The following PAK3 variants were observed in gnomAD, a reference collection of about 807,000 sequenced individuals.
PAK3 encodes serine/threonine-protein kinase PAK 3.
Under a neutral mutation model 41.0 loss-of-function variants are expected in PAK3, and 4 were observed. That is an observed-to-expected ratio of 0.10 (90% CI 0.05 to 0.22). PAK3 has a LOEUF of 0.22. PAK3 is among the 10% of genes least tolerant of loss of function. The probability of loss-of-function intolerance (pLI) is 1.00; values close to 1 mark genes in which losing one functional copy is unlikely to be tolerated. For synonymous variants in PAK3, 146 were observed against 139.6 expected, an observed-to-expected ratio of 1.05 and a Z score of -0.32; for missense variants, 205 against 409.9, an observed-to-expected ratio of 0.50 and a Z score of 4.32.
At chrX:111,133,974 A>C (rs1216476892) in intron 5 of PAK3, among the ~76,000 whole-genome samples, 1 of 111,970 alleles carries the variant, frequency 8.9e-6, no homozygotes, top group Non-Finnish European at 1.9e-5. Context: ...AGCTAGAAAG[A>C]GTTCTAAAAA....
chrX:110,951,514 T>C (rs1451899372), intron 1 of PAK3, among the ~76,000 whole-genome samples: 1 of 112,107 alleles, frequency 8.9e-6, no homozygotes, highest in Non-Finnish European at 1.9e-5. Flanking sequence ...TCTAGCAAGT[T>C]ACACTCCAAC....
At chrX:110,961,643 C>T (rs1382573517) in intron 1 of PAK3, among the ~76,000 whole-genome samples, 1 of 111,704 alleles carries the variant, frequency 9.0e-6, no homozygotes, top group African/African-American at 3.3e-5. Flanking sequence ...TTCTCTTCAC[C>T]TCTAGATTCT....
intron 4 of PAK3, among the ~76,000 whole-genome samples, chrX:111,116,728 A>G (rs781719739): frequency 2.7e-5 from 3 of 112,227 alleles, no homozygotes; most frequent in East Asian, 5.6e-4. Flanking sequence ...CAACAATACT[A>G]CAGCAGAACT....
At chrX:111,143,266 G>A (rs907122441) in intron 6 of PAK3, among the ~76,000 whole-genome samples, 7 of 110,656 alleles carry the variant, frequency 6.3e-5, no homozygotes, top group Non-Finnish European at 1.1e-4. Flanking sequence ...ATGATTAAGC[G>A]GAAAAAAAGA....
At chrX:111,078,648 C>T (rs771069037) in intron 1 of PAK3, among the ~76,000 whole-genome samples, 3 of 110,553 alleles carry the variant, frequency 2.7e-5, no homozygotes, top group Non-Finnish European at 3.8e-5. Context: ...AACCCCAAAA[C>T]AGTCTCTAAG....
intron 6 of PAK3, among the ~76,000 whole-genome samples, chrX:111,143,344 C>T (rs139732152): frequency 0.019 from 2,160 of 111,180 alleles, 46 homozygotes; most frequent in African/African-American, 0.062. Flanking sequence ...TATCTTATTT[C>T]TTCAATTCTG....
intron 1 of PAK3, among the ~76,000 whole-genome samples, chrX:110,978,450 T>C (rs185369819): frequency 1.4e-4 from 16 of 111,390 alleles, no homozygotes; most frequent in African/African-American, 5.2e-4. Flanking sequence ...GATTATATTA[T>C]TTTTCTTATT....
intron 5 of PAK3, among the ~76,000 whole-genome samples, chrX:111,123,567 T>C (rs761360685): frequency 5.1e-4 from 58 of 112,760 alleles, no homozygotes; most frequent in African/African-American, 1.8e-3. Context: ...CAACAGTGAC[T>C]TTCTTTCTGA....
At chrX:110,974,968 A>G (rs978495036) in intron 1 of PAK3, among the ~76,000 whole-genome samples, 1 of 111,927 alleles carries the variant, frequency 8.9e-6, no homozygotes, top group African/African-American at 3.2e-5. Context: ...TCTCAATATA[A>G]TAAGAGCTAT....
At chrX:111,056,738 A>G (rs1226080424) in intron 1 of PAK3, among the ~76,000 whole-genome samples, 2 of 112,009 alleles carry the variant, frequency 1.8e-5, no homozygotes, top group African/African-American at 3.2e-5. Flanking sequence ...TAATCACTCT[A>G]TGTAATTATT....
chrX:111,079,976 A>C (rs1463571542), intron 1 of PAK3, among the ~76,000 whole-genome samples: 1 of 112,342 alleles, frequency 8.9e-6, no homozygotes, highest in Non-Finnish European at 1.9e-5. Context: ...AATTGCTTCA[A>C]TCTCATGATA....
At chrX:111,089,679 A>G (rs1252435602) in intron 1 of PAK3, among the ~76,000 whole-genome samples, 2 of 111,186 alleles carry the variant, frequency 1.8e-5, no homozygotes, top group Non-Finnish European at 3.8e-5. Context: ...CATCAAGGAA[A>G]CAGAGGAAGT....
intron 1 of PAK3, among the ~76,000 whole-genome samples, chrX:111,082,105 A>G (rs2092839504): frequency 8.9e-6 from 1 of 112,340 alleles, no homozygotes; most frequent in Non-Finnish European, 1.9e-5. Flanking sequence ...TAATAAGAGG[A>G]AGGCTTTTGG....
At chrX:111,105,434 G>A (rs2093238530) in intron 4 of PAK3, among the ~76,000 whole-genome samples, 1 of 111,560 alleles carries the variant, frequency 9.0e-6, no homozygotes. Context: ...TATACTCACA[G>A]CCATTCATAC....
At chrX:111,015,249 T>A (rs184212763) in intron 1 of PAK3, among the ~76,000 whole-genome samples, 1 of 110,732 alleles carries the variant, frequency 9.0e-6, no homozygotes, top group East Asian at 2.9e-4. Context: ...GTCCTCCAGG[T>A]TGATCCATGT....
At chrX:111,203,790 G>A (rs2094709680) in intron 16 of PAK3, among the ~76,000 whole-genome samples, 1 of 111,915 alleles carries the variant, frequency 8.9e-6, no homozygotes, top group Admixed American at 9.5e-5. Flanking sequence ...TGGAATGTCT[G>A]GGTTTGATGG....
chrX:111,180,278 C>T (rs1386583728), intron 11 of PAK3, among the ~76,000 whole-genome samples: 1 of 111,019 alleles, frequency 9.0e-6, no homozygotes, highest in Non-Finnish European at 1.9e-5. Context: ...AATGGGAGAC[C>T]CTTTCACTGC....
At chrX:111,154,882 A>AT (rs2094082762) in intron 8 of PAK3, among the ~76,000 whole-genome samples, 1 of 111,435 alleles carries the variant, frequency 9.0e-6, no homozygotes, top group African/African-American at 3.3e-5. Flanking sequence ...AATAGTTATT[A>AT]TTTTTTTAGG....
intron 16 of PAK3, among the ~76,000 whole-genome samples, chrX:111,200,218 G>C (rs1006062132): frequency 1.8e-5 from 2 of 111,102 alleles, no homozygotes; most frequent in Non-Finnish European, 1.9e-5. Context: ...CCAAATATAT[G>C]TGGCTTTCTA....
Sources: gnomAD v4.1 joint callset for allele counts (sites outside exome capture counted in the v4.1 genomes callset) on GRCh38, gnomAD v4.1.1 for gene constraint, MANE v1.5 for transcripts, NCBI Gene and HGNC (gene_info 2026-07-23, HGNC 2026-07-21) for gene names.